Variants in DPP10 observed in about 807,000 individuals in gnomAD.
DPP10 encodes the protein dipeptidyl peptidase like 10, also known as inactive dipeptidyl peptidase 10.
Under a neutral mutation model 120.9 loss-of-function variants are expected in DPP10, and 33 were observed. That is an observed-to-expected ratio of 0.27 (90% CI 0.21 to 0.37). The LOEUF (loss-of-function observed/expected upper bound fraction) is 0.37, where lower values mean the gene tolerates loss of function less well. Ranked by LOEUF, DPP10 falls within the 10% of genes least tolerant of loss-of-function variation. DPP10 has a pLI of 1.00. For synonymous variants in DPP10, 337 were observed against 326.1 expected (o/e 1.03, Z -0.36); for missense variants, 816 against 942.8 (o/e 0.87, Z 1.76).
At chr2:115,223,637 A>C (rs1219664354) in intron 1 of DPP10, among the ~76,000 whole-genome samples, 1 of 152,154 alleles carries the variant, frequency 6.6e-6, no homozygotes, top group Non-Finnish European at 1.5e-5. Flanking sequence ...AAACAACAAC[A>C]AAAAGGAACG....
intron 5 of DPP10, among the ~76,000 whole-genome samples, chr2:115,606,742 C>T (rs1436559389): frequency 6.6e-6 from 1 of 152,184 alleles, no homozygotes; most frequent in African/African-American, 2.4e-5. Context: ...ATTTCCTGGA[C>T]TGATTATCAA....
chr2:115,769,394 G>C (rs1681182380), intron 13 of DPP10, among the ~76,000 whole-genome samples: 4 of 151,916 alleles, frequency 2.6e-5, no homozygotes, highest in Admixed American at 2.0e-4. Flanking sequence ...CATTTGTATT[G>C]GACAGCTTAA....
intron 1 of DPP10, among the ~76,000 whole-genome samples, chr2:114,448,293 A>G (rs907405087): frequency 6.6e-6 from 1 of 152,282 alleles, no homozygotes; most frequent in Middle Eastern, 3.4e-3. Flanking sequence ...AGTTTTATGA[A>G]GTATTTAGTA....
intron 1 of DPP10, among the ~76,000 whole-genome samples, chr2:114,734,119 C>A (rs1419960293): frequency 6.6e-6 from 1 of 152,146 alleles, no homozygotes; most frequent in Non-Finnish European, 1.5e-5. Flanking sequence ...ATATTTAACT[C>A]CAAAATAGAT....
chr2:114,874,051 C>T (rs1463408900), intron 1 of DPP10, among the ~76,000 whole-genome samples: 1 of 152,116 alleles, frequency 6.6e-6, no homozygotes, highest in Non-Finnish European at 1.5e-5. Context: ...AATTATGGGG[C>T]AACAAGTGAA....
intron 1 of DPP10, among the ~76,000 whole-genome samples, chr2:114,985,938 CTT>C (rs1207177745): frequency 1.3e-5 from 2 of 152,124 alleles, no homozygotes; most frequent in Non-Finnish European, 2.9e-5. Flanking sequence ...AACACAAACA[CTT>C]ATGAGTTTTT....
chr2:114,544,182 C>T (rs1159159085), intron 1 of DPP10, among the ~76,000 whole-genome samples: 1 of 152,026 alleles, frequency 6.6e-6, no homozygotes, highest in Non-Finnish European at 1.5e-5. Context: ...TCAGAAGAAT[C>T]AATGGGAGAG....
In DPP10 at chr2:115,574,097, G is replaced by A. The variant is rs143269393; in HGVS notation, c.441+48125G>A. Reference sequence around the variant, plus strand: ...TTCATCCATGTAATGCAGGAACCACGGTGTCACTTCATTCTTCCCTCCACT... The same window carrying A: ...TTCATCCATGTAATGCAGGAACCACAGTGTCACTTCATTCTTCCCTCCACT... On this transcript the variant is annotated intron_variant, in intron 5 of 25. Coordinates refer to ENST00000410059, the MANE Select transcript of DPP10 (RefSeq NM_020868.6). 1.2e-4 allele frequency among the ~76,000 whole-genome samples: 18 copies of A among 151,948 alleles called. No homozygotes were observed. The East Asian group carries it at 3.3e-3, about 28-fold the overall frequency.
intron 3 of DPP10, among the ~76,000 whole-genome samples, chr2:115,385,352 T>A (rs1221488200): frequency 2.5e-5 from 1 of 40,392 alleles, no homozygotes; most frequent in African/African-American, 5.9e-5. Context: ...TCTGTCTTTC[T>A]TTTTTTTTTT....
chr2:114,560,432 G>A (rs1031025525), intron 1 of DPP10, among the ~76,000 whole-genome samples: 2 of 152,148 alleles, frequency 1.3e-5, no homozygotes, highest in African/African-American at 4.8e-5. Context: ...CTCCTTATTA[G>A]GACTTAGGAT....
At chr2:114,892,998 A>T (rs1465404146) in intron 1 of DPP10, among the ~76,000 whole-genome samples, 1 of 152,206 alleles carries the variant, frequency 6.6e-6, no homozygotes, top group Non-Finnish European at 1.5e-5. Flanking sequence ...TCTTAGGCGT[A>T]TTCCATGGAC....
chr2:115,067,392 C>CA (rs1414229246), intron 1 of DPP10, among the ~76,000 whole-genome samples: 2 of 151,580 alleles, frequency 1.3e-5, no homozygotes, highest in Non-Finnish European at 2.9e-5. Context: ...GCTGGGACTA[C>CA]AGGCGCCCGC....
intron 5 of DPP10, among the ~76,000 whole-genome samples, chr2:115,592,012 G>A (rs1053539821): frequency 1.3e-5 from 2 of 152,092 alleles, no homozygotes; most frequent in African/African-American, 4.8e-5. Flanking sequence ...TGAGCGCCCT[G>A]AACAACACAG....
intron 1 of DPP10, among the ~76,000 whole-genome samples, chr2:114,742,203 C>A (rs898818377): frequency 6.6e-6 from 1 of 152,074 alleles, no homozygotes; most frequent in East Asian, 1.9e-4. Context: ...AATTCTCTAA[C>A]AGCCTTTCCA....
chr2:115,174,958 A>G (rs2053597000), intron 1 of DPP10, among the ~76,000 whole-genome samples: 1 of 152,172 alleles, frequency 6.6e-6, no homozygotes, highest in African/African-American at 2.4e-5. Flanking sequence ...GTAGTCTCAA[A>G]TAGCTTTTCT....
At chr2:114,807,490 T>C (rs1045152197) in intron 1 of DPP10, among the ~76,000 whole-genome samples, 2 of 152,248 alleles carry the variant, frequency 1.3e-5, no homozygotes, top group Admixed American at 6.5e-5. Context: ...TATTGAATAC[T>C]AGAACTTACT....
chr2:115,410,936 G>A (rs960452241), intron 3 of DPP10, among the ~76,000 whole-genome samples: 17 of 151,774 alleles, frequency 1.1e-4, no homozygotes, highest in African/African-American at 4.1e-4. Flanking sequence ...ATTTTTTAAT[G>A]TTTTCACTTC....
intron 1 of DPP10, chr2:115,233,922 C>G (rs372380508): frequency 3.9e-6 from 2 of 517,952 alleles, no homozygotes; most frequent in Admixed American, 1.9e-5. Context: ...CCAGTAGTAT[C>G]AGGTGGATTT....
In DPP10 at chr2:115,843,437, G is replaced by A. The variant is rs750917363; in HGVS notation, c.*1092G>A. The A allele has an allele frequency of 1.2e-4, 19 of 152,310 alleles. No individual in the cohort carries two copies. The highest frequency in any genetic ancestry group is 1.0e-3 in the Admixed American group (16 of 15,272). 9.4% of individuals were successfully genotyped at this position (152,310 alleles called of 1,614,324 possible). ...TGCAGAATCAATTCTCATTTTCATC[G>A]TAAAAGCAAATAGCTGGATTATTTC... On this transcript the variant is annotated 3_prime_UTR_variant, in exon 26 of 26. Transcript: ENST00000410059.
Sources: gnomAD v4.1 joint callset for allele counts (sites outside exome capture counted in the v4.1 genomes callset) on GRCh38, gnomAD v4.1.1 for gene constraint, MANE v1.5 for transcripts, NCBI Gene and HGNC (gene_info 2026-07-23, HGNC 2026-07-21) for gene names.